Variants in NF1 observed in about 807,000 individuals in gnomAD.
NF1 encodes the protein neurofibromin 1.
In NF1, 122 loss-of-function variants were observed where a neutral mutation model predicts 325.7. The ratio of observed to expected loss-of-function variants is 0.37; its 90% CI spans 0.32 to 0.44. The LOEUF is 0.44. Among genes scored for constraint, NF1 ranks in the 20% least tolerant of loss-of-function variants. The pLI, the probability that NF1 is intolerant of heterozygous loss-of-function variation, is 1.00. For missense variants in NF1, 2,140 were observed against 3,415.4 expected (o/e 0.63, Z 9.31); for synonymous variants, 1,091 against 1,186.0 (o/e 0.92, Z 1.65).
At chr17:31,171,123 A>C (rs1216828698) in intron 5 of NF1, among the ~76,000 whole-genome samples, 1 of 152,214 alleles carries the variant, frequency 6.6e-6, no homozygotes, top group African/African-American at 2.4e-5. Context: ...GGAATAATAT[A>C]AAGCTGTGTT....
chr17:31,295,348 A>G, intron 36 of NF1: 1 of 1,614,140 alleles, frequency 6.2e-7, no homozygotes, highest in Non-Finnish European at 8.5e-7. Flanking sequence ...CAAAAGCCTT[A>G]TCAGTGCTAG....
chr17:31,356,671 T>C (rs2151581590), intron 52 of NF1, 89 bp downstream of exon 52: 1 of 1,556,536 alleles, frequency 6.4e-7, no homozygotes, highest in Admixed American at 1.8e-5. Context: ...TTTCTTAGAA[T>C]CTTTAGAGTG....
chr17:31,240,554 T>C (rs908552043), intron 29 of NF1, among the ~76,000 whole-genome samples: 3 of 152,212 alleles, frequency 2.0e-5, no homozygotes, highest in Non-Finnish European at 4.4e-5. Flanking sequence ...AGTGCCGATA[T>C]GTCTTCAATA....
chr17:31,308,278 C>A (rs889083524), intron 36 of NF1, among the ~76,000 whole-genome samples: 1 of 151,928 alleles, frequency 6.6e-6, no homozygotes, highest in African/African-American at 2.4e-5. Flanking sequence ...GCTGGGACTA[C>A]AGTAGGCATA....
intron 36 of NF1, among the ~76,000 whole-genome samples, chr17:31,285,684 G>A (rs1196324788): frequency 6.6e-6 from 1 of 152,092 alleles, no homozygotes; most frequent in Non-Finnish European, 1.5e-5. Flanking sequence ...CCCATCACCT[G>A]TACAAAAAAT....
chr17:31,303,704 A>G (rs1418147885), intron 36 of NF1: 1 of 152,338 alleles, frequency 6.6e-6, no homozygotes, highest in Non-Finnish European at 1.5e-5. Context: ...TTCCTAACCC[A>G]ACCCTTCAGT....
intron 35 of NF1, among the ~76,000 whole-genome samples, chr17:31,263,125 A>AGATAGATAGAT (rs78971065): frequency 0.03 from 4,347 of 143,142 alleles, 67 homozygotes; most frequent in Non-Finnish European, 0.039. Flanking sequence ...ATAGATAGAT[A>AGATAGATAGAT]AGATAAGATA....
At chr17:31,238,846 T>A (rs2067247025) in intron 29 of NF1, among the ~76,000 whole-genome samples, 1 of 151,888 alleles carries the variant, frequency 6.6e-6, no homozygotes, top group Non-Finnish European at 1.5e-5. Flanking sequence ...GTATCCCAGT[T>A]AACGGGGAAA....
At chr17:31,219,285 G>A in intron 14 of NF1, 167 bp downstream of exon 14, 1 of 618,220 alleles carries the variant, frequency 1.6e-6, no homozygotes, top group South Asian at 2.5e-5. Flanking sequence ...AGAAAGAAGG[G>A]GTTTACTTGC....
chr17:31,295,669 G>A (rs752784194), intron 36 of NF1: 1 of 1,614,070 alleles, frequency 6.2e-7, no homozygotes, highest in Non-Finnish European at 8.5e-7. Flanking sequence ...TATTGTAAAG[G>A]GTTATCTCTT....
intron 51 of NF1, 24 bp from the exon 52 acceptor site, chr17:31,356,436 C>A (rs2151580921): frequency 6.2e-7 from 1 of 1,608,714 alleles, no homozygotes; most frequent in South Asian, 1.1e-5. Context: ...AATGAACTTG[C>A]ATATTCTTAA....
In NF1 at chr17:31,260,427, T is replaced by C. The variant is rs763266925; in HGVS notation, c.4489T>C (p.Ser1497Pro). ...AAGTGATGCAGTAAATCATAGTCTT[T>C]CCTTCATAAGTGACGGCAATGTGCT... ...PTSDAVNHSL[S>P]FISDGNVLAL... The change falls in exon 34 of 58, where the codon TCC becomes CCC. Residue 1497 changes from serine (S) to proline (P), a missense_variant. By Grantham distance (74) the Ser-to-Pro change is moderately conservative. This residue lies in a region of NF1 where 336 missense variants were observed against 399.0 expected (regional missense o/e 0.84). Coordinates refer to ENST00000358273, the MANE Select transcript of NF1 (RefSeq NM_001042492.3). 2.5e-6 allele frequency: 4 copies of C among 1,614,080 alleles called. No individual in the cohort carries two copies. Among genetic ancestry groups the C allele is most frequent in the South Asian group, 1.1e-5 (1 of 91,090 alleles).
chr17:31,301,663 G>A (rs190655485), intron 36 of NF1, among the ~76,000 whole-genome samples: 1 of 152,154 alleles, frequency 6.6e-6, no homozygotes, highest in Non-Finnish European at 1.5e-5. Context: ...TCCTATATTA[G>A]TGAAAAGAGT....
At chr17:31,122,024 T>C (rs1914483767) in intron 1 of NF1, among the ~76,000 whole-genome samples, 1 of 152,232 alleles carries the variant, frequency 6.6e-6, no homozygotes, top group African/African-American at 2.4e-5. Context: ...GAAAGAATTT[T>C]AACTTTATTC....
chr17:31,200,323 G>C, intron 8 of NF1, 99 bp from the exon 9 acceptor site: 1 of 1,041,992 alleles, frequency 9.6e-7, no homozygotes, highest in Non-Finnish European at 1.4e-6. Context: ...ATTCTTTATA[G>C]TATGAGTTTT....
intron 30 of NF1, chr17:31,252,690 A>C (rs972722755): frequency 1.9e-5 from 9 of 464,102 alleles, no homozygotes; most frequent in Non-Finnish European, 2.3e-5. Flanking sequence ...TCTGTGATTC[A>C]TAGCCAGAAA....
intron 36 of NF1, chr17:31,320,480 T>C: frequency 6.5e-7 from 1 of 1,528,748 alleles, no homozygotes; most frequent in Non-Finnish European, 9.0e-7. Context: ...TTATAAGAAA[T>C]GGTTGTTATA....
chr17:31,295,942 A>G (rs1375673569), intron 36 of NF1: 2 of 1,614,116 alleles, frequency 1.2e-6, no homozygotes, highest in Non-Finnish European at 1.7e-6. Context: ...TGTTCTTAGA[A>G]ACATCCAGAT....
chr17:31,234,519 C>CA (rs775749194), intron 27 of NF1, among the ~76,000 whole-genome samples: 8 of 151,034 alleles, frequency 5.3e-5, no homozygotes, highest in Non-Finnish European at 1.0e-4. Flanking sequence ...TAAAAAAATA[C>CA]AAAAAAATCA....
Sources: gnomAD v4.1 joint callset for allele counts (sites outside exome capture counted in the v4.1 genomes callset) on GRCh38, gnomAD v4.1.1 for gene constraint, gnomAD v4.1.1 regional missense constraint, MANE v1.5 for transcripts, NCBI Gene and HGNC (gene_info 2026-07-23, HGNC 2026-07-21) for gene names.